NCKAP5: variants seen among roughly 807,000 people sequenced by gnomAD.
NCKAP5 encodes NCK associated protein 5.
NCKAP5 carries 92 observed loss-of-function variants against 167.0 expected under a neutral mutation model. The observed-to-expected ratio is 0.55, with a 90% confidence interval of 0.47 to 0.66. The LOEUF (loss-of-function observed/expected upper bound fraction) is 0.66, where lower values mean the gene tolerates loss of function less well. Among genes scored for constraint, NCKAP5 ranks in the 30% least tolerant of loss-of-function variants. NCKAP5 has a pLI of 0.00. For synonymous variants in NCKAP5, 891 were observed against 877.4 expected, an observed-to-expected ratio of 1.02 and a Z score of -0.27; for missense variants, 2,378 against 2,315.0, an observed-to-expected ratio of 1.03 and a Z score of -0.56.
intron 8 of NCKAP5, among the ~76,000 whole-genome samples, chr2:132,936,506 A>AG (rs927961433): frequency 2.6e-5 from 4 of 152,172 alleles, no homozygotes; most frequent in African/African-American, 9.7e-5. Context: ...TGGCTGCACA[A>AG]GGGGGTGGGT....
intron 11 of NCKAP5, among the ~76,000 whole-genome samples, chr2:132,851,032 T>C (rs917816036): frequency 1.3e-5 from 2 of 150,868 alleles, no homozygotes; most frequent in Non-Finnish European, 1.5e-5. Context: ...TTTTCAAGCA[T>C]TTTTTTTTCT....
chr2:133,445,092 T>C (rs1318946170), intron 3 of NCKAP5, among the ~76,000 whole-genome samples: 3 of 152,192 alleles, frequency 2.0e-5, no homozygotes, highest in Non-Finnish European at 4.4e-5. Flanking sequence ...GTCATTCTCT[T>C]TATACTAAAA....
At chr2:133,566,120 T>A (rs1688539196) in intron 1 of NCKAP5, among the ~76,000 whole-genome samples, 1 of 151,874 alleles carries the variant, frequency 6.6e-6, no homozygotes, top group African/African-American at 2.4e-5. Flanking sequence ...GAGAGAAGGG[T>A]AATGGACGGG....
chr2:133,022,328 T>C (rs986730681), intron 6 of NCKAP5, among the ~76,000 whole-genome samples: 20 of 152,222 alleles, frequency 1.3e-4, no homozygotes, highest in African/African-American at 4.1e-4. Context: ...AGTATTTGTA[T>C]CAGGAAGAAG....
At chr2:133,319,447 C>A (rs1013242578) in intron 3 of NCKAP5, among the ~76,000 whole-genome samples, 3 of 151,910 alleles carry the variant, frequency 2.0e-5, no homozygotes, top group African/African-American at 7.3e-5. Flanking sequence ...GCAGGTGCAC[C>A]CGGGATGTTA....
intron 15 of NCKAP5, among the ~76,000 whole-genome samples, chr2:132,776,209 A>T (rs1042622562): frequency 1.3e-5 from 2 of 152,218 alleles, no homozygotes; most frequent in African/African-American, 4.8e-5. Context: ...CCATTTAGAT[A>T]TGAAGGCAAT....
intron 3 of NCKAP5, among the ~76,000 whole-genome samples, chr2:133,475,922 G>GCTGT (rs1679842475): frequency 6.6e-6 from 1 of 152,182 alleles, no homozygotes; most frequent in Non-Finnish European, 1.5e-5. Flanking sequence ...CCAAGAATCA[G>GCTGT]CTGTCTCCTA....
chr2:133,160,625 T>A (rs564628020), intron 5 of NCKAP5, among the ~76,000 whole-genome samples: 8 of 152,142 alleles, frequency 5.3e-5, no homozygotes, highest in African/African-American at 1.9e-4. Flanking sequence ...GCTAAATATA[T>A]AAAATAGCAA....
chr2:133,229,024 T>C (rs2150239640), intron 4 of NCKAP5, among the ~76,000 whole-genome samples: 1 of 152,236 alleles, frequency 6.6e-6, no homozygotes, highest in South Asian at 2.1e-4. Context: ...ATGGAACCAA[T>C]CTGTAAAATA....
chr2:133,546,099 G>A (rs143397008), intron 2 of NCKAP5, among the ~76,000 whole-genome samples: 3 of 79,938 alleles, frequency 3.8e-5, no homozygotes, highest in African/African-American at 9.6e-5. Context: ...CCACACCCCC[G>A]CCTTGCATGT....
intron 8 of NCKAP5, among the ~76,000 whole-genome samples, chr2:132,905,003 T>C (rs2148926413): frequency 6.6e-6 from 1 of 152,360 alleles, no homozygotes; most frequent in Middle Eastern, 3.4e-3. Context: ...CCTTTGTGAT[T>C]TCCTTCATTG....
chr2:133,465,152 T>TC (rs1559503434), intron 3 of NCKAP5, among the ~76,000 whole-genome samples: 1 of 74,774 alleles, frequency 1.3e-5, no homozygotes, highest in African/African-American at 5.4e-5. Flanking sequence ...GTGCTATCCC[T>TC]CCCCCCTCCC....
chr2:133,062,226 C>T (rs767004924), intron 6 of NCKAP5, among the ~76,000 whole-genome samples: 10 of 152,130 alleles, frequency 6.6e-5, no homozygotes, highest in Non-Finnish European at 1.0e-4. Context: ...CAAATATTTA[C>T]GCTTGGAATT....
chr2:132,876,084 A>G (rs1691245568), intron 9 of NCKAP5, among the ~76,000 whole-genome samples: 1 of 152,050 alleles, frequency 6.6e-6, no homozygotes. Context: ...GGATTGAAGA[A>G]CATTTTGTTT....
At chr2:133,188,195 C>G (rs2085038396) in intron 5 of NCKAP5, among the ~76,000 whole-genome samples, 1 of 151,992 alleles carries the variant, frequency 6.6e-6, no homozygotes, top group African/African-American at 2.4e-5. Flanking sequence ...TCAGCATTTG[C>G]TTAATGGTAA....
chr2:133,506,098 G>T (rs1682980577), intron 3 of NCKAP5, among the ~76,000 whole-genome samples: 1 of 152,152 alleles, frequency 6.6e-6, no homozygotes, highest in African/African-American at 2.4e-5. Context: ...CTAATGCAGT[G>T]ATCGATCCAC....
chr2:133,255,517 G>A (rs568198675), intron 4 of NCKAP5, among the ~76,000 whole-genome samples: 2 of 146,894 alleles, frequency 1.4e-5, no homozygotes, highest in Admixed American at 1.4e-4. Context: ...ACAGCTTTAG[G>A]GAATGTGTGT....
chr2:133,434,729 T>G (rs1288873875), intron 3 of NCKAP5, among the ~76,000 whole-genome samples: 1 of 152,214 alleles, frequency 6.6e-6, no homozygotes, highest in South Asian at 2.1e-4. Flanking sequence ...TTCCAGCACA[T>G]AGTAGGTGAT....
At chr2:133,203,284 G>C (rs560738200) in intron 5 of NCKAP5, among the ~76,000 whole-genome samples, 4 of 152,030 alleles carry the variant, frequency 2.6e-5, no homozygotes, top group Non-Finnish European at 5.9e-5. Flanking sequence ...GCAAACCATC[G>C]CAACGACAGA....
Sources: gnomAD v4.1 joint callset for allele counts (sites outside exome capture counted in the v4.1 genomes callset) on GRCh38, gnomAD v4.1.1 for gene constraint, MANE v1.5 for transcripts, NCBI Gene and HGNC (gene_info 2026-07-23, HGNC 2026-07-21) for gene names.